CIMIP2A: variants seen among roughly 807,000 people sequenced by gnomAD.
CIMIP2A encodes ciliary microtubule inner protein 2A, also known as family with sequence similarity 166 member A.
At chr9:137,245,615 C>T in the CIMIP2A span, 3 of 1,612,240 alleles carry the variant, frequency 1.9e-6, no homozygotes, top group Middle Eastern at 1.7e-4. Context: ...CAGGAGGGTG[C>T]AGGGCTGGGG....
chr9:137,248,558 A>G, the CIMIP2A span, among the ~76,000 whole-genome samples: 259 of 148,162 alleles, frequency 1.7e-3, no homozygotes, highest in Middle Eastern at 0.024. Flanking sequence ...AAAAAAAAAA[A>G]AAAGAAAGAA....
At chr9:137,245,968 C>T in the CIMIP2A span, 8 of 808,190 alleles carry the variant, frequency 9.9e-6, no homozygotes, top group African/African-American at 3.4e-5. Context: ...AGCAGGTTGG[C>T]CTGTGGCAGC....
At chr9:137,253,400 A>G in the CIMIP2A span, 1 of 1,496,334 alleles carries the variant, frequency 6.7e-7, no homozygotes, top group South Asian at 1.3e-5. Context: ...CAACCCTTCT[A>G]TGGGCTGTGG....
the CIMIP2A span, among the ~76,000 whole-genome samples, chr9:137,248,569 A>T: frequency 6.6e-6 from 1 of 150,942 alleles, no homozygotes; most frequent in Non-Finnish European, 1.5e-5. Flanking sequence ...AAAGAAAGAA[A>T]GAAGAAAGGC....
At chr9:137,243,812 G>T in the CIMIP2A span, 1 of 1,612,796 alleles carries the variant, frequency 6.2e-7, no homozygotes, top group Non-Finnish European at 8.5e-7. Flanking sequence ...GGCTGCAGCT[G>T]AGCTGGGCTT....
At chr9:137,243,657 CT>C in the CIMIP2A span, 1 of 1,614,120 alleles carries the variant, frequency 6.2e-7, no homozygotes, top group South Asian at 1.1e-5. Context: ...GCTGTTTTCC[CT>C]GTCCACATCC....
the CIMIP2A span, chr9:137,251,767 C>G: frequency 6.3e-7 from 1 of 1,582,540 alleles, no homozygotes; most frequent in Non-Finnish European, 8.6e-7. Context: ...TTGTTGGGCC[C>G]GGAGCCGGGG....
At chr9:137,250,954 C>A in the CIMIP2A span, 4 of 359,774 alleles carry the variant, frequency 1.1e-5, no homozygotes, top group South Asian at 4.6e-5. Flanking sequence ...CCCTCCACCC[C>A]CTCTGCTGAG....
chr9:137,246,166 G>A, the CIMIP2A span, among the ~76,000 whole-genome samples: 1 of 152,324 alleles, frequency 6.6e-6, no homozygotes, highest in South Asian at 2.1e-4. Context: ...GCAAATCAGG[G>A]GTGCTCTGCC....
chr9:137,249,271 C>G, the CIMIP2A span, among the ~76,000 whole-genome samples: 1,896 of 152,228 alleles, frequency 0.012, 77 homozygotes, highest in East Asian at 0.14. Flanking sequence ...GGCTTACTGC[C>G]GGCAGGGTCA....
the CIMIP2A span, chr9:137,245,108 G>A: frequency 4.2e-5 from 68 of 1,608,978 alleles, no homozygotes; most frequent in Non-Finnish European, 5.6e-5. Flanking sequence ...CCTTGCGTTG[G>A]ATTAGGTTAG....
chr9:137,244,966 C>G, the CIMIP2A span: 1 of 1,604,308 alleles, frequency 6.2e-7, no homozygotes, highest in Non-Finnish European at 8.5e-7. Flanking sequence ...TCCCCCCAGG[C>G]CGCTAGCCTG....
At chr9:137,253,266 C>G in the CIMIP2A span, 1 of 1,595,904 alleles carries the variant, frequency 6.3e-7, no homozygotes, top group Admixed American at 1.7e-5. Context: ...GCACAACCTG[C>G]TTGGCCCGGC....
At chr9:137,247,799 C>T in the CIMIP2A span, 28 of 1,380,548 alleles carry the variant, frequency 2.0e-5, no homozygotes, top group Non-Finnish European at 2.7e-5. Context: ...CACCGGGCAA[C>T]CATTGTGAGG....
chr9:137,252,995 G>A, the CIMIP2A span: 8 of 1,573,234 alleles, frequency 5.1e-6, no homozygotes, highest in Admixed American at 1.4e-4. Context: ...AGAGGGCTAG[G>A]GATGGGGCAT....
the CIMIP2A span, chr9:137,247,607 C>T: frequency 6.4e-7 from 1 of 1,559,008 alleles, no homozygotes; most frequent in Non-Finnish European, 8.8e-7. Context: ...CCCAGCCATT[C>T]TCCCCCTCCT....
the CIMIP2A span, chr9:137,245,038 A>G: frequency 6.2e-7 from 1 of 1,609,670 alleles, no homozygotes; most frequent in East Asian, 2.2e-5. Flanking sequence ...CACTGCAAGA[A>G]CCTTGTGGGG....
chr9:137,251,438 G>A, the CIMIP2A span: 1 of 1,462,268 alleles, frequency 6.8e-7, no homozygotes. Context: ...CCAGCTGGGA[G>A]TGGCCAGGGG....
At chr9:137,253,523 G>C in the CIMIP2A span, 2 of 1,408,542 alleles carry the variant, frequency 1.4e-6, no homozygotes, top group Non-Finnish European at 1.8e-6. Context: ...ACCCGGGGGC[G>C]GTCCTAGAGA....
Sources: allele counts gnomAD v4.1 joint callset (sites outside exome capture counted in the v4.1 genomes callset), GRCh38; gene constraint gnomAD v4.1.1; transcripts MANE v1.5; gene names NCBI Gene and HGNC (gene_info 2026-07-23, HGNC 2026-07-21).